Variants in MGAT5 observed in about 807,000 individuals in gnomAD.
MGAT5 encodes alpha-1,6-mannosylglycoprotein 6-beta-N-acetylglucosaminyltransferase A.
Under a neutral mutation model 94.3 loss-of-function variants are expected in MGAT5, and 30 were observed. The observed-to-expected ratio is 0.32, with a 90% CI of 0.24 to 0.43. MGAT5 has a LOEUF of 0.43. Ranked by LOEUF, MGAT5 falls within the 20% of genes least tolerant of loss-of-function variation. The pLI is 1.00. For synonymous variants in MGAT5, 310 were observed against 322.9 expected, an observed-to-expected ratio of 0.96 and a Z score of 0.43; for missense variants, 691 against 905.5, an observed-to-expected ratio of 0.76 and a Z score of 3.04.
chr2:134,255,020 G>A (rs556476523), intron 1 of MGAT5, among the ~76,000 whole-genome samples: 8 of 152,288 alleles, frequency 5.3e-5, no homozygotes, highest in Non-Finnish European at 7.3e-5. Context: ...TAAGGCTGGT[G>A]GGGGTGAGGT....
At chr2:134,353,733 A>C (rs1679540905) in intron 9 of MGAT5, among the ~76,000 whole-genome samples, 2 of 152,250 alleles carry the variant, frequency 1.3e-5, no homozygotes, top group Admixed American at 1.3e-4. Flanking sequence ...AACAGTCATC[A>C]TCAGTGGTCG....
upstream of MGAT5, among the ~76,000 whole-genome samples, chr2:134,251,048 G>A (rs1682557230): frequency 6.6e-6 from 1 of 152,146 alleles, no homozygotes; most frequent in Admixed American, 6.5e-5. Flanking sequence ...TCTGAAAGTG[G>A]ACAGCTAATT....
At chr2:134,377,919 G>A (rs1359758388) in intron 10 of MGAT5, among the ~76,000 whole-genome samples, 1 of 152,120 alleles carries the variant, frequency 6.6e-6, no homozygotes, top group Non-Finnish European at 1.5e-5. Context: ...AATTCCAGCA[G>A]TTCTCAACAG....
At chr2:134,391,652 C>G (rs978734886) in intron 10 of MGAT5, among the ~76,000 whole-genome samples, 3 of 152,166 alleles carry the variant, frequency 2.0e-5, no homozygotes, top group African/African-American at 7.2e-5. Flanking sequence ...GCCTCACCTC[C>G]TAGTACCATC....
intron 1 of MGAT5, among the ~76,000 whole-genome samples, chr2:134,266,345 C>T (rs1460938554): frequency 2.0e-5 from 3 of 152,004 alleles, no homozygotes; most frequent in South Asian, 2.1e-4. Context: ...CTCAGCTTTC[C>T]GAGTAGTTGG....
chr2:134,248,961 A>ACCAATTT (rs1381275287), intron 1 of MGAT5, among the ~76,000 whole-genome samples: 4 of 151,960 alleles, frequency 2.6e-5, no homozygotes, highest in African/African-American at 9.7e-5. Context: ...GGCATTTGCC[A>ACCAATTT]GACAAGGTGG....
intron 12 of MGAT5, among the ~76,000 whole-genome samples, chr2:134,417,520 A>T (rs73960907): frequency 0.019 from 2,853 of 152,254 alleles, 83 homozygotes; most frequent in African/African-American, 0.057. Flanking sequence ...AGCTTTTTGT[A>T]CACTGTTTCT....
At chr2:134,305,306 G>A (rs1043176671) in intron 2 of MGAT5, among the ~76,000 whole-genome samples, 2 of 152,124 alleles carry the variant, frequency 1.3e-5, no homozygotes, top group East Asian at 3.8e-4. Flanking sequence ...AAGCACTTCC[G>A]CCTTGCCTCT....
At chr2:134,182,047 G>A (rs955806036) in intron 1 of MGAT5, among the ~76,000 whole-genome samples, 1 of 152,186 alleles carries the variant, frequency 6.6e-6, no homozygotes, top group African/African-American at 2.4e-5. Context: ...GAAGTGAACT[G>A]TGAGTATAAC....
At chr2:134,152,232 G>A (rs553856254) in intron 1 of MGAT5, among the ~76,000 whole-genome samples, 3 of 132,334 alleles carry the variant, frequency 2.3e-5, no homozygotes, top group African/African-American at 8.8e-5. Flanking sequence ...TATGGGACCC[G>A]CTTACCACCA....
intron 2 of MGAT5, among the ~76,000 whole-genome samples, chr2:134,283,965 C>T (rs925398560): frequency 6.6e-6 from 1 of 152,090 alleles, no homozygotes; most frequent in African/African-American, 2.4e-5. Flanking sequence ...ACTGTGAGCC[C>T]TAGTGAAGAA....
intron 10 of MGAT5, among the ~76,000 whole-genome samples, chr2:134,371,392 A>G (rs1202778484): frequency 6.6e-6 from 1 of 152,152 alleles, no homozygotes; most frequent in Non-Finnish European, 1.5e-5. Flanking sequence ...TAAGGGTGGG[A>G]GGAAAATAAA....
chr2:134,129,168 G>A (rs187782845), intron 1 of MGAT5, among the ~76,000 whole-genome samples: 5 of 152,232 alleles, frequency 3.3e-5, no homozygotes, highest in African/African-American at 4.8e-5. Context: ...AGGGAGAATC[G>A]GTCTCCTTGC....
intron 1 of MGAT5, among the ~76,000 whole-genome samples, chr2:134,152,944 C>T (rs1049876762): frequency 1.2e-4 from 17 of 146,238 alleles, no homozygotes; most frequent in Non-Finnish European, 1.9e-4. Context: ...CACTCTGTCG[C>T]CCAGGCTGGA....
At chr2:134,341,527 CG>C (rs1344777642) in intron 6 of MGAT5, 62 bp from the exon 7 acceptor site, 3 of 1,347,636 alleles carry the variant, frequency 2.2e-6, no homozygotes, top group Admixed American at 4.6e-5. Context: ...CATTTCTTGG[CG>C]CATTACTGTG....
At chr2:134,201,905 C>G (rs1277168006) in intron 1 of MGAT5, among the ~76,000 whole-genome samples, 2 of 149,016 alleles carry the variant, frequency 1.3e-5, no homozygotes, top group Non-Finnish European at 3.0e-5. Flanking sequence ...TGAAAGGCTC[C>G]ATGCTAATAT....
At chr2:134,413,593 G>A (rs115719853) in intron 12 of MGAT5, among the ~76,000 whole-genome samples, 2,823 of 152,332 alleles carry the variant, frequency 0.019, 92 homozygotes, top group African/African-American at 0.065. Context: ...ACCATTGAGG[G>A]TAGTTGGATT....
Position 134,450,576 on chromosome 2 carries a change from T to C in MGAT5, c.*1729T>C, listed in dbSNP as rs1274534936. The C allele has an allele frequency of 2.6e-5, 4 of 152,040 alleles. No individual in the cohort carries two copies. Among genetic ancestry groups the C allele is most frequent in the African/African-American group, 9.7e-5 (4 of 41,338 alleles). 9.4% of individuals were successfully genotyped at this position (152,040 alleles called of 1,614,324 possible). On this transcript the variant is annotated 3_prime_UTR_variant, in exon 16 of 16. Transcript: ENST00000281923. ...AGATCCCTGCTCAGTGCGTCTCAAT[T>C]GTATCTCCAGTCTAAGAGGAGGGTG...
intron 1 of MGAT5, among the ~76,000 whole-genome samples, chr2:134,243,556 T>C (rs1411655544): frequency 1.3e-5 from 2 of 152,232 alleles, no homozygotes; most frequent in African/African-American, 2.4e-5. Flanking sequence ...ACCTTGACTT[T>C]TATGACTCTG....
Sources: gnomAD v4.1 joint callset for allele counts (sites outside exome capture counted in the v4.1 genomes callset) on GRCh38, gnomAD v4.1.1 for gene constraint, MANE v1.5 for transcripts, NCBI Gene and HGNC (gene_info 2026-07-23, HGNC 2026-07-21) for gene names.